The following NOXO1 variants were observed in gnomAD, a reference collection of about 807,000 sequenced individuals.
NOXO1 encodes the protein NADPH oxidase regulatory protein.
NOXO1 carries 38 observed loss-of-function variants against 33.3 expected under a neutral mutation model. The observed-to-expected ratio is 1.14, with a 90% CI of 0.88 to 1.50. The LOEUF (loss-of-function observed/expected upper bound fraction) is 1.50, where lower values mean the gene tolerates loss of function less well. NOXO1 is among the 40% of genes most tolerant of loss of function. NOXO1 has a pLI of 0.00. For synonymous variants in NOXO1, 302 were observed against 237.3 expected (o/e 1.27, Z -2.51); for missense variants, 675 against 527.1 (o/e 1.28, Z -2.75).
At position 1,980,525 on chromosome 16, in the gene NOXO1, G is replaced by A. The variant is rs2083483018; in HGVS notation, c.243C>T (p.Arg81=). 1 of 1,603,310 alleles carries A rather than the reference G, an allele frequency of 6.2e-7. No individual in the cohort carries two copies. The highest frequency in any genetic ancestry group is 1.3e-5 in the African/African-American group (1 of 74,910). ...CCAGGCCGCGGCTCGTGCGCCCCAC[G>A]CGTCCCAACAGTGGTGCATCTTAAG... ...PKLLDAPLLG[R]VGRTSRGLAR... The change falls in exon 4 of 8, where the codon CGC becomes CGT. Residue 81 remains arginine (R), a synonymous_variant. Transcript: ENST00000356120.
At position 1,979,422 on chromosome 16, in the gene NOXO1, T is replaced by A. The variant is rs765079087; in HGVS notation, c.818+3A>T. 9 of 1,607,426 alleles carry A rather than the reference T, an allele frequency of 5.6e-6. No individual in the cohort carries two copies. In the South Asian group the frequency reaches 6.6e-5, roughly 12 times the overall value. On this transcript the variant is annotated splice_donor_region_variant and intron_variant, in intron 7 of 7. Coordinates refer to ENST00000356120, the MANE Select transcript of NOXO1 (RefSeq NM_172167.3). ...TGCCCTGCCCACGCCCGCTCCCGCG[T>A]ACCTGCATAGCCACCAGCCGCGGTC...
rs1323772520 is a variant in NOXO1 at position 1,981,010 on chromosome 16, A to C, written c.76T>G (p.Phe26Val). ...CTGCCGTCTGACCAGCGCACAGAGA[A>C]GGCAAACGTCTGGGGGACAAAAAGT... is the stretch of plus-strand genomic sequence containing the variant. ...VQIKRLQTFA[F>V]SVRWSDGSDT... The change falls in exon 2 of 8, where the codon TTC (phenylalanine) becomes GTC (valine). Residue 26 changes from phenylalanine (F) to valine (V), a missense_variant. Phe to Val is a conservative substitution (Grantham distance 50, BLOSUM62 -1). Coordinates refer to ENST00000356120, the MANE Select transcript of NOXO1 (RefSeq NM_172167.3). 11 of 1,613,328 alleles carry C rather than the reference A, an allele frequency of 6.8e-6. 2 individuals carry two copies. The South Asian group carries it at 1.1e-4, about 16-fold the overall frequency.
chr16:1,980,619 A>G, intron 3 of NOXO1, 37 bp downstream of exon 3: 1 of 1,593,132 alleles, frequency 6.3e-7, no homozygotes, highest in Non-Finnish European at 8.6e-7. Flanking sequence ...CAGGCAAGCC[A>G]CCGCCTTCCC....
chr16:1,979,926 G>A (rs767016899), intron 5 of NOXO1, 23 bp from the exon 6 acceptor site: 2 of 1,576,708 alleles, frequency 1.3e-6, no homozygotes, highest in East Asian at 2.3e-5. Context: ...AGCGGGCAGG[G>A]ACTCAAATCT....
intron 6 of NOXO1, 64 bp downstream of exon 6, chr16:1,979,726 T>C (rs2150888661): frequency 1.5e-6 from 2 of 1,338,480 alleles, no homozygotes; most frequent in Middle Eastern, 2.5e-4. Context: ...GCGGTGCTTC[T>C]GGCCCAGTCT....
chr16:1,980,235 T>C (rs1013527949), intron 4 of NOXO1, 54 bp from the exon 5 acceptor site: 1 of 1,539,484 alleles, frequency 6.5e-7, no homozygotes, highest in African/African-American at 1.4e-5. Flanking sequence ...AGGGTGAAAC[T>C]GGGGGCGCCA....
Position 1,979,246 on chromosome 16 carries a change from C to A in NOXO1, c.922G>T (p.Gly308Cys). 6.6e-7 allele frequency: 1 copy of A among 1,515,424 alleles called. No individual in the cohort carries two copies. Among genetic ancestry groups the A allele is most frequent in the East Asian group, 2.5e-5 (1 of 39,592 alleles). The allele number at this position is 1,515,424 out of a possible 1,614,324, so 93.9% of individuals were successfully genotyped here. Reference sequence around the variant, plus strand: ...GGTTCAGGGAAGCCCCGGGCCTCACCCGCCGGGTCGTCTCCTCCACGGAAC... The same window carrying A: ...GGTTCAGGGAAGCCCCGGGCCTCACACGCCGGGTCGTCTCCTCCACGGAAC... Reference protein sequence around the residue: ...TGFRGGDDPAGEARGFPEPSQ... With the variant: ...TGFRGGDDPACEARGFPEPSQ... The change falls in exon 8 of 8, where the codon GGT (glycine) becomes TGT (cysteine). Residue 308 changes from glycine (G) to cysteine (C), a missense_variant. Gly to Cys is a radical substitution (Grantham distance 159). Coordinates refer to ENST00000356120, the MANE Select transcript of NOXO1 (RefSeq NM_172167.3).
chr16:1,980,265 C>G, intron 4 of NOXO1, 84 bp from the exon 5 acceptor site: 1 of 1,516,218 alleles, frequency 6.6e-7, no homozygotes, highest in South Asian at 1.2e-5. Context: ...GACCGCCAGC[C>G]TCCCACTCTC....
At chr16:1,979,581 A>C in intron 6 of NOXO1, 39 bp from the exon 7 acceptor site, 1 of 1,524,702 alleles carries the variant, frequency 6.6e-7, no homozygotes, top group Non-Finnish European at 9.0e-7. Context: ...GCGGGGCCAC[A>C]GAGGACGAGG....
Position 1,980,197 on chromosome 16 carries a change from C to T in NOXO1, c.402-16G>A, listed in dbSNP as rs2035761220. ...GATCACCCGGCTGGGAAGGGCAGCCCGTACGAGTGAGAGGTAGGCGGATGG... is the reference window on the plus strand; with the variant it reads ...GATCACCCGGCTGGGAAGGGCAGCCTGTACGAGTGAGAGGTAGGCGGATGG... On this transcript the variant is annotated splice_polypyrimidine_tract_variant and intron_variant, in intron 4 of 7. Transcript: ENST00000356120. 1 of 1,589,328 alleles carries T rather than the reference C, an allele frequency of 6.3e-7. No individual in the cohort carries two copies.
rs78868281 is a variant in NOXO1 at position 1,980,079 on chromosome 16, G to A, written c.504C>T (p.Pro168=). The A allele has an allele frequency of 1.2e-6, 2 of 1,607,806 alleles. No homozygotes were observed. The highest frequency in any genetic ancestry group is 2.7e-5 in the African/African-American group (2 of 74,894). Residue 168 remains proline, a synonymous_variant, in exon 5 of 8, where the codon CCC becomes CCT. Transcript: ENST00000356120. ...LEAQSLRCLQ[P]FCTQDTRDRP... Reference sequence around the variant, plus strand: ...TATCCCGCGTGTCCTGGGTACAGAAGGGCTGCAGGCAGCGCAGGCTCTGAG... The same window carrying A: ...TATCCCGCGTGTCCTGGGTACAGAAAGGCTGCAGGCAGCGCAGGCTCTGAG...
In NOXO1 at chr16:1,980,500, C is replaced by T; in HGVS notation, c.268G>A (p.Ala90Thr). ...GRVGRTSRGLARLQLLETYSR... is the reference protein window; with the variant it reads ...GRVGRTSRGLTRLQLLETYSR... ...TAGGTTTCCAACAGCTGCAGGCGCG[C>T]CAGGCCGCGGCTCGTGCGCCCCACG... Residue 90 changes from alanine to threonine, a missense_variant, in exon 4 of 8, where the codon GCG becomes ACG. Physicochemically the swap from Ala to Thr is moderately conservative, Grantham distance 58. Transcript: ENST00000356120. 1 of 1,603,138 alleles carries T rather than the reference C, an allele frequency of 6.2e-7. No individual in the cohort carries two copies. The highest frequency in any genetic ancestry group is 2.2e-5 in the East Asian group (1 of 44,852).
chr16:1,979,292 G>T lies in NOXO1; in HGVS notation c.876C>A (p.Gly292=). ...PAVLLRPEGL[G]ALLSGTGFRG... is the part of the protein sequence containing the mutation. Reference sequence around the variant, plus strand: ...GGAACCCCGTCCCGCTCAGGAGAGCGCCCAGCCCTTCCGGCCGCAGCAGCA... The same window carrying T: ...GGAACCCCGTCCCGCTCAGGAGAGCTCCCAGCCCTTCCGGCCGCAGCAGCA... The change falls in exon 8 of 8, where the codon GGC becomes GGA. Residue 292 remains glycine, a synonymous_variant. Transcript: ENST00000356120. 1 of 1,561,664 alleles carries T rather than the reference G, an allele frequency of 6.4e-7. No homozygotes were observed.
chr16:1,980,701 C>T lies in NOXO1; in HGVS notation c.178G>A (p.Ala60Thr), dbSNP rs1160909438. Residue 60 changes from alanine to threonine, a missense_variant, in exon 3 of 8, where the codon GCG becomes ACG. Coordinates refer to ENST00000356120, the MANE Select transcript of NOXO1 (RefSeq NM_172167.3). ...KTLKETFPVE[A>T]GLLRRSDRVL... ...CGGTCAGATCTCCGCAGCAGGCCCG[C>T]CTCCACCGGGAAGGTCTCCTTGAGG... 9 of 1,606,532 alleles carry T rather than the reference C, an allele frequency of 5.6e-6. No individual in the cohort carries two copies. The highest frequency in any genetic ancestry group is 2.2e-5 in the East Asian group (1 of 44,698).
At chr16:1,980,842 G>T in intron 2 of NOXO1, 97 bp downstream of exon 2, 1 of 1,458,104 alleles carries the variant, frequency 6.9e-7, no homozygotes, top group Non-Finnish European at 9.5e-7. Flanking sequence ...GGGACGAAGG[G>T]CCTCCAGTGG....
At position 1,980,451 on chromosome 16, in the gene NOXO1, G is replaced by T; in HGVS notation, c.317C>A (p.Ala106Glu). Residue 106 changes from alanine (A) to glutamate (E), a missense_variant, in exon 4 of 8, where the codon GCA (alanine) becomes GAA (glutamate). By Grantham distance (107) the Ala-to-Glu change is moderately radical. Coordinates refer to ENST00000356120, the MANE Select transcript of NOXO1 (RefSeq NM_172167.3). ...ETYSRRLLAT[A>E]ERVARSPTIT... ...CGTCGGGCTCCGTGCCACGCGCTCTGCAGTCGCCAGCAGCCTCCGAGAATA... is the reference window on the plus strand; with the variant it reads ...CGTCGGGCTCCGTGCCACGCGCTCTTCAGTCGCCAGCAGCCTCCGAGAATA... 1.9e-6 allele frequency: 3 copies of T among 1,601,800 alleles called. No homozygotes were observed. The highest frequency in any genetic ancestry group is 2.5e-6 in the Non-Finnish European group (3 of 1,179,846).
chr16:1,980,904 C>G (rs1201437325), intron 2 of NOXO1, 35 bp downstream of exon 2: 1 of 1,592,994 alleles, frequency 6.3e-7, no homozygotes. Context: ...GGGGAAGCCG[C>G]CACCGCGGCA....
chr16:1,980,416 A>C lies in NOXO1; in HGVS notation c.352T>G (p.Phe118Val). 1 of 1,603,040 alleles carries C rather than the reference A, an allele frequency of 6.2e-7. No individual in the cohort carries two copies. Among genetic ancestry groups the C allele is most frequent in the Non-Finnish European group, 8.5e-7 (1 of 1,179,846 alleles). Residue 118 changes from phenylalanine (F) to valine (V), a missense_variant, in exon 4 of 8, where the codon TTC (phenylalanine) becomes GTC (valine). Physicochemically the swap from Phe to Val is conservative, Grantham distance 50. Coordinates refer to ENST00000356120, the MANE Select transcript of NOXO1 (RefSeq NM_172167.3). Reference sequence around the variant, plus strand: ...AGGTCCAGGGGTTGCGGTGCGAAGAAGCCAGTGATCGTCGGGCTCCGTGCC... The same window carrying C: ...AGGTCCAGGGGTTGCGGTGCGAAGACGCCAGTGATCGTCGGGCTCCGTGCC... Reference protein sequence around the residue: ...RVARSPTITGFFAPQPLDLEP... With the variant: ...RVARSPTITGVFAPQPLDLEP...
rs1464638324 is a variant in NOXO1 at position 1,980,066 on chromosome 16, C to T, written c.517G>A (p.Asp173Asn). The change falls in exon 5 of 8, where the codon GAC becomes AAC. Residue 173 changes from aspartate to asparagine, a missense_variant. By Grantham distance (23) the Asp-to-Asn change is conservative (BLOSUM62 1). Coordinates refer to ENST00000356120, the MANE Select transcript of NOXO1 (RefSeq NM_172167.3). Reference sequence around the variant, plus strand: ...GCCTGAAAAGGCCTATCCCGCGTGTCCTGGGTACAGAAGGGCTGCAGGCAG... The same window carrying T: ...GCCTGAAAAGGCCTATCCCGCGTGTTCTGGGTACAGAAGGGCTGCAGGCAG... The part of the protein sequence containing the change: ...LRCLQPFCTQ[D>N]TRDRPFQAQA... 1.9e-6 allele frequency: 3 copies of T among 1,608,024 alleles called. No individual in the cohort carries two copies. Among genetic ancestry groups the T allele is most frequent in the South Asian group, 2.2e-5 (2 of 90,150 alleles).
Sources: gnomAD v4.1 joint callset for allele counts on GRCh38, gnomAD v4.1.1 for gene constraint, MANE v1.5 for transcripts, NCBI Gene and HGNC (gene_info 2026-07-23, HGNC 2026-07-21) for gene names.